Variants in RPS6KA2 observed in about 807,000 individuals in gnomAD.
The protein encoded by RPS6KA2 is ribosomal protein S6 kinase alpha-2.
In RPS6KA2, 42 loss-of-function variants were observed where a neutral mutation model predicts 91.8. The observed-to-expected ratio is 0.46, with a 90% CI of 0.36 to 0.59. RPS6KA2 has a LOEUF of 0.59. Ranked by LOEUF, RPS6KA2 falls within the 20% of genes least tolerant of loss-of-function variation. The probability of loss-of-function intolerance (pLI) is 0.00; values close to 1 mark genes in which losing one functional copy is unlikely to be tolerated. For synonymous variants in RPS6KA2, 414 were observed against 393.6 expected (o/e 1.05, Z -0.61); for missense variants, 798 against 978.5 (o/e 0.82, Z 2.46).
At chr6:166,839,212 C>G (rs1780397153) in intron 2 of RPS6KA2, among the ~76,000 whole-genome samples, 1 of 152,162 alleles carries the variant, frequency 6.6e-6, no homozygotes, top group African/African-American at 2.4e-5. Flanking sequence ...GGTGTTCCCC[C>G]CTTGTGTCTT....
rs143139215 is a variant in RPS6KA2 at position 166,459,424 on chromosome 6, T to A, written c.1075+25A>T. 4 of 1,532,632 alleles carry A rather than the reference T, an allele frequency of 2.6e-6. No homozygotes were observed. Among genetic ancestry groups the A allele is most frequent in the Non-Finnish European group, 2.7e-6 (3 of 1,107,414 alleles). 94.9% of individuals were successfully genotyped at this position (1,532,632 alleles called of 1,614,324 possible). ...GGGGTCAGGTGGGAGAAGCCACCGA[T>A]AGAGGGAACCACTGTGGCACACACC... On this transcript the variant is annotated intron_variant, in intron 12 of 20. Transcript: ENST00000265678. The surrounding 1 kb of genome is among the most constrained non-coding windows in gnomAD (Gnocchi z 4.9).
At chr6:166,794,844 G>A (rs894902672) in intron 2 of RPS6KA2, among the ~76,000 whole-genome samples, 12 of 135,570 alleles carry the variant, frequency 8.9e-5, no homozygotes, top group African/African-American at 1.6e-4. Context: ...ATCACACTCC[G>A]GGGACTGTTG....
intron 3 of RPS6KA2, among the ~76,000 whole-genome samples, chr6:166,528,444 T>C (rs1232610737): frequency 6.6e-6 from 1 of 151,750 alleles, no homozygotes; most frequent in Admixed American, 6.6e-5. Flanking sequence ...ACTTAAATGT[T>C]AGACCTAAAA....
chr6:166,497,537 A>T (rs571612190), intron 8 of RPS6KA2, among the ~76,000 whole-genome samples: 157 of 152,362 alleles, frequency 1.0e-3, no homozygotes, highest in African/African-American at 3.5e-3. Flanking sequence ...CGTGGAACAC[A>T]GCCAGGGCCT....
intron 2 of RPS6KA2, among the ~76,000 whole-genome samples, chr6:166,536,288 C>T (rs1414715291): frequency 6.6e-6 from 1 of 152,202 alleles, no homozygotes; most frequent in African/African-American, 2.4e-5. Flanking sequence ...AGAACAGGTG[C>T]TTTCTGCAGA....
intron 2 of RPS6KA2, among the ~76,000 whole-genome samples, chr6:166,751,823 C>T (rs1277758859): frequency 1.3e-5 from 2 of 152,176 alleles, no homozygotes; most frequent in Non-Finnish European, 2.9e-5. Flanking sequence ...CAGAACATGT[C>T]TTCATGACGA....
chr6:166,645,975 G>A (rs747077907), intron 2 of RPS6KA2, among the ~76,000 whole-genome samples: 2 of 152,192 alleles, frequency 1.3e-5, no homozygotes, highest in South Asian at 2.1e-4. Context: ...GAGTCTGCAA[G>A]TGCTCGTTAG....
chr6:166,540,233 T>C (rs1344875444), intron 1 of RPS6KA2, among the ~76,000 whole-genome samples: 2 of 152,204 alleles, frequency 1.3e-5, no homozygotes, highest in Admixed American at 6.5e-5. Context: ...GTTTGAAAAA[T>C]TCAGTTTCTC....
intron 3 of RPS6KA2, among the ~76,000 whole-genome samples, chr6:166,511,757 C>A (rs1246956344): frequency 1.3e-5 from 2 of 152,116 alleles, no homozygotes; most frequent in African/African-American, 4.8e-5. Context: ...TTAAGAAATT[C>A]TTCACCAAGA....
Position 166,778,229 on chromosome 6 carries a change from A to G in RPS6KA2, c.123+79971T>C, listed in dbSNP as rs571052368. 4.8e-4 allele frequency among the ~76,000 whole-genome samples: 73 copies of G among 152,338 alleles called. 1 individual carries two copies. The South Asian group carries it at 0.015, about 31-fold the overall frequency. ...ACCTGCCTGCCTCTGTGTGGGGCTCACGAAAGGGCAAAGCTGTTAGAGAAC... is the reference window on the plus strand; with the variant it reads ...ACCTGCCTGCCTCTGTGTGGGGCTCGCGAAAGGGCAAAGCTGTTAGAGAAC... On this transcript the variant is annotated intron_variant, in intron 2 of 21. Transcript: ENST00000503859.
At chr6:166,562,816 G>A (rs1019219013) in intron 1 of RPS6KA2, among the ~76,000 whole-genome samples, 26 of 152,236 alleles carry the variant, frequency 1.7e-4, no homozygotes, top group East Asian at 1.9e-4. Context: ...GCATGGCCAC[G>A]ATGGGGGCTG....
intron 2 of RPS6KA2, among the ~76,000 whole-genome samples, chr6:166,754,347 T>G (rs1777934812): frequency 6.6e-6 from 1 of 152,170 alleles, no homozygotes; most frequent in South Asian, 2.1e-4. Flanking sequence ...TGGGGACCAC[T>G]CAGGGATGCA....
chr6:166,751,478 C>A (rs530961680), intron 2 of RPS6KA2, among the ~76,000 whole-genome samples: 57 of 152,236 alleles, frequency 3.7e-4, no homozygotes, highest in Non-Finnish European at 6.9e-4. Context: ...GGCAAAGCTG[C>A]ACCGCAGGGC....
At chr6:166,670,315 T>C (rs996327454) in intron 2 of RPS6KA2, among the ~76,000 whole-genome samples, 4 of 152,214 alleles carry the variant, frequency 2.6e-5, no homozygotes, top group African/African-American at 7.2e-5. Flanking sequence ...TTGGGAGTGA[T>C]TCCCCAACGT....
rs75204666 is a variant in RPS6KA2 at position 166,770,316 on chromosome 6, T to C, written c.123+87884A>G. 0.01 allele frequency among the ~76,000 whole-genome samples: 1,579 copies of C among 152,346 alleles called. 26 individuals are homozygous for C. The highest frequency in any genetic ancestry group is 0.035 in the African/African-American group (1,437 of 41,564). On this transcript the variant is annotated intron_variant, in intron 2 of 21. Transcript: ENST00000503859. The surrounding 1 kb of genome is among the most constrained non-coding windows in gnomAD (Gnocchi z 5.1). ...TTGAAATAGGAGAAATCTACCTCCA[T>C]CTAAAATTATCTATTTTAGTCCTAA...
intron 1 of RPS6KA2, among the ~76,000 whole-genome samples, chr6:166,547,864 C>G (rs1442877554): frequency 6.6e-6 from 1 of 152,238 alleles, no homozygotes; most frequent in Admixed American, 6.5e-5. Context: ...AGAAAGCCTG[C>G]TTCTATTCTG....
intron 2 of RPS6KA2, among the ~76,000 whole-genome samples, chr6:166,778,114 A>G (rs996022639): frequency 3.3e-5 from 5 of 152,366 alleles, no homozygotes; most frequent in African/African-American, 1.2e-4. Context: ...AAGACACAGA[A>G]GCAAAGACAA....
intron 13 of RPS6KA2, among the ~76,000 whole-genome samples, chr6:166,449,356 T>C (rs6910121): frequency 0.26 from 39,396 of 152,020 alleles, 5,292 homozygotes; most frequent in Middle Eastern, 0.36. Context: ...TGACAACGTC[T>C]ACTTTACACA....
intron 1 of RPS6KA2, among the ~76,000 whole-genome samples, chr6:166,573,439 G>A (rs926915892): frequency 6.6e-6 from 1 of 152,242 alleles, no homozygotes; most frequent in Non-Finnish European, 1.5e-5. Flanking sequence ...CCCAGCGCAC[G>A]TGTTCTGATG....
Sources: gnomAD v4.1 joint callset for allele counts (sites outside exome capture counted in the v4.1 genomes callset) on GRCh38, gnomAD v4.1.1 for gene constraint, Gnocchi (gnomAD v3.1) non-coding constraint, MANE v1.5 for transcripts, NCBI Gene and HGNC (gene_info 2026-07-23, HGNC 2026-07-21) for gene names.